IHO1: variants seen among roughly 807,000 people sequenced by gnomAD.
IHO1 encodes the protein interactor of HORMAD1 1.
IHO1 carries 13 observed loss-of-function variants against 31.0 expected under a neutral mutation model. The observed-to-expected ratio is 0.42, with a 90% CI of 0.27 to 0.67. The LOEUF (loss-of-function observed/expected upper bound fraction) is 0.67, where lower values mean the gene tolerates loss of function less well. IHO1 is among the 30% of genes least tolerant of loss of function. The probability of loss-of-function intolerance (pLI) is 0.24; values close to 1 mark genes in which losing one functional copy is unlikely to be tolerated. For missense variants in IHO1, 599 were observed against 687.5 expected (o/e 0.87, Z 1.44); for synonymous variants, 221 against 248.4 (o/e 0.89, Z 1.04).
At chr3:49,244,513 A>G in intron 5 of IHO1, 61 bp downstream of exon 5, 3 of 1,308,428 alleles carry the variant, frequency 2.3e-6, no homozygotes, top group South Asian at 1.3e-5. Context: ...TTTAATATTT[A>G]TATTGTATTG....
At chr3:49,254,761 G>A (rs902546412) in intron 6 of IHO1, among the ~76,000 whole-genome samples, 3 of 152,062 alleles carry the variant, frequency 2.0e-5, no homozygotes, top group African/African-American at 7.2e-5. Flanking sequence ...GGCCAGTGGG[G>A]TGCCATCGAA....
In IHO1 at chr3:49,219,266, G is replaced by A. The variant is rs957140142; in HGVS notation, c.56+7430G>A. 1.3e-4 allele frequency among the ~76,000 whole-genome samples: 20 copies of A among 152,188 alleles called. No individual in the cohort carries two copies. The East Asian group carries it at 1.7e-3, about 13-fold the overall frequency. On this transcript the variant is annotated intron_variant, in intron 2 of 7. Coordinates refer to ENST00000452691, the MANE Select transcript of IHO1 (RefSeq NM_001135197.2). ...CCACGCTGAAGGTGGTGGGTTTACC[G>A]GAATGAGGGCAAGGAACACCTCACC... is the stretch of plus-strand genomic sequence containing the variant.
chr3:49,220,963 G>A (rs774324289), intron 2 of IHO1, among the ~76,000 whole-genome samples: 13 of 152,234 alleles, frequency 8.5e-5, no homozygotes, highest in African/African-American at 1.2e-4. Context: ...ACGGGTTGCC[G>A]CTGCTGGCTC....
Position 49,233,462 on chromosome 3 carries a change from C to G in IHO1, c.57-3086C>G, listed in dbSNP as rs143554985. On this transcript the variant is annotated intron_variant, in intron 2 of 7. Transcript: ENST00000452691. ...TCCCAGGCACACCTGACCTTAATGC[C>G]AGGAACTGGAGGGTTTGAAGGAGCA... Among the ~76,000 whole-genome samples, 18 of 152,248 alleles carry G rather than the reference C, an allele frequency of 1.2e-4. No individual in the cohort carries two copies. In the East Asian group the frequency reaches 2.5e-3, roughly 21 times the overall value.
chr3:49,195,631 G>A (rs2045992345), upstream of IHO1, among the ~76,000 whole-genome samples: 2 of 150,544 alleles, frequency 1.3e-5, no homozygotes, highest in South Asian at 4.2e-4. Flanking sequence ...GGAGAATGGT[G>A]TGAACCCAGG....
chr3:49,208,356 C>T (rs2046167293), intron 1 of IHO1, among the ~76,000 whole-genome samples: 1 of 152,186 alleles, frequency 6.6e-6, no homozygotes. Flanking sequence ...CCTGTCAGGT[C>T]AGTGGCAGCA....
intron 6 of IHO1, among the ~76,000 whole-genome samples, chr3:49,247,085 G>A (rs1437100130): frequency 4.6e-5 from 7 of 151,938 alleles, no homozygotes; most frequent in African/African-American, 1.7e-4. Context: ...CTAATATCAG[G>A]TGATCTGCCC....
At chr3:49,208,123 T>C (rs894561518) in intron 1 of IHO1, among the ~76,000 whole-genome samples, 3 of 152,222 alleles carry the variant, frequency 2.0e-5, no homozygotes, top group African/African-American at 4.8e-5. Flanking sequence ...CAATAACTTG[T>C]ATCTCTTAAG....
At chr3:49,225,292 C>T (rs1296454916) in intron 2 of IHO1, among the ~76,000 whole-genome samples, 2 of 152,056 alleles carry the variant, frequency 1.3e-5, no homozygotes, top group African/African-American at 2.4e-5. Flanking sequence ...GGTGAAACCC[C>T]GTCTCTACTA....
intron 2 of IHO1, among the ~76,000 whole-genome samples, chr3:49,226,909 C>G (rs1263610277): frequency 6.6e-6 from 1 of 152,266 alleles, no homozygotes; most frequent in South Asian, 2.1e-4. Context: ...CCTCCCCCTA[C>G]AGCTTGAAGG....
At chr3:49,238,319 A>T (rs1465828581) in intron 3 of IHO1, among the ~76,000 whole-genome samples, 3 of 152,186 alleles carry the variant, frequency 2.0e-5, no homozygotes, top group South Asian at 2.1e-4. Context: ...TTTGAGACAG[A>T]GTTTTTCCCT....
chr3:49,195,533 C>T (rs1441193442), upstream of IHO1, among the ~76,000 whole-genome samples: 3 of 149,566 alleles, frequency 2.0e-5, no homozygotes, highest in African/African-American at 4.9e-5. Context: ...CTGGCTAACA[C>T]GGTGAAACCC....
the IHO1 span, among the ~76,000 whole-genome samples, chr3:49,192,777 T>A: frequency 2.0e-5 from 3 of 152,062 alleles, no homozygotes; most frequent in African/African-American, 7.2e-5. Flanking sequence ...ATACCTGTAG[T>A]TCCAGCTATT....
intron 1 of IHO1, chr3:49,200,474 AAAAAGAAAGAAAGAAAGAAAGAAAG>A (rs1311882507): frequency 1.9e-6 from 1 of 528,038 alleles, no homozygotes; most frequent in African/African-American, 2.6e-5. Context: ...CAAAAAAAAA[AAAAAGAAAGAAAGAAAGAAAGAAAG>A]AAAGAAAGAA....
chr3:49,212,867 G>C (rs1396993528), intron 2 of IHO1, among the ~76,000 whole-genome samples: 1 of 152,210 alleles, frequency 6.6e-6, no homozygotes, highest in Non-Finnish European at 1.5e-5. Flanking sequence ...GTGTGGAAGA[G>C]GATCGGAGCT....
At chr3:49,236,839 G>A in intron 3 of IHO1, 117 bp downstream of exon 3, 1 of 979,316 alleles carries the variant, frequency 1.0e-6, no homozygotes, top group Non-Finnish European at 1.5e-6. Context: ...CCCTGCACTT[G>A]GGGAGGCTGA....
chr3:49,218,431 A>G (rs2046315440), intron 2 of IHO1, among the ~76,000 whole-genome samples: 2 of 123,928 alleles, frequency 1.6e-5, no homozygotes, highest in South Asian at 5.2e-4. Context: ...CCCAGGCTGG[A>G]GTGCAGTGGA....
At chr3:49,198,476 G>A, upstream of IHO1, 1 of 152,392 alleles carries the variant, frequency 6.6e-6, no homozygotes, top group African/African-American at 2.4e-5. Flanking sequence ...TCCTGGGGCT[G>A]AATCCAATCT....
At chr3:49,241,092 T>C (rs563498288) in intron 3 of IHO1, 134 bp from the exon 4 acceptor site, 2 of 523,762 alleles carry the variant, frequency 3.8e-6, no homozygotes, top group East Asian at 6.7e-5. Context: ...AAAGATAAAA[T>C]GGAAATACTA....
Sources: gnomAD v4.1 joint callset for allele counts (sites outside exome capture counted in the v4.1 genomes callset) on GRCh38, gnomAD v4.1.1 for gene constraint, MANE v1.5 for transcripts, NCBI Gene and HGNC (gene_info 2026-07-23, HGNC 2026-07-21) for gene names.